The following MRPS9 variants were observed in gnomAD, a reference collection of about 807,000 sequenced individuals.
The protein encoded by MRPS9 is mitochondrial ribosomal protein S9.
MRPS9 carries 45 observed loss-of-function variants against 59.9 expected under a neutral mutation model. That is an observed-to-expected ratio of 0.75 (90% CI 0.59 to 0.96). The LOEUF (loss-of-function observed/expected upper bound fraction) is 0.96. MRPS9 is among the 40% of genes least tolerant of loss of function. MRPS9 has a pLI of 0.00. For synonymous variants in MRPS9, 171 were observed against 166.8 expected, an observed-to-expected ratio of 1.03 and a Z score of -0.19; for missense variants, 473 against 481.1, an observed-to-expected ratio of 0.98 and a Z score of 0.16.
chr2:105,041,704 A>G (rs1679506016), intron 1 of MRPS9, among the ~76,000 whole-genome samples: 1 of 152,182 alleles, frequency 6.6e-6, no homozygotes. Flanking sequence ...TGCTCTGTAC[A>G]GCTCTGTAAA....
intron 10 of MRPS9, chr2:105,098,632 A>G (rs1680721034): frequency 6.6e-6 from 1 of 152,170 alleles, no homozygotes; most frequent in African/African-American, 2.4e-5. Flanking sequence ...TCTTTTCTGT[A>G]TTTTGTCAAA....
intron 2 of MRPS9, among the ~76,000 whole-genome samples, chr2:105,057,440 T>G (rs1679815067): frequency 6.6e-6 from 1 of 152,166 alleles, no homozygotes; most frequent in Non-Finnish European, 1.5e-5. Flanking sequence ...ATCTGTCAGT[T>G]GGAACCTTGA....
chr2:105,097,022 T>C (rs1176887966), intron 9 of MRPS9, 133 bp from the exon 10 acceptor site: 2 of 843,058 alleles, frequency 2.4e-6, no homozygotes, highest in Non-Finnish European at 3.3e-6. Flanking sequence ...TAAAATGGAT[T>C]GATTGAGAAG....
rs1219423623 is a variant in MRPS9, at chr2:105,079,492, G to A, written c.410-491G>A. ...TCTGTTGTTGATGTTTTAAACTCTC[G>A]GAGGTTGATGACCACTGGGTTGAAA... On this transcript the variant is annotated intron_variant, in intron 4 of 10. Coordinates refer to ENST00000258455, the MANE Select transcript of MRPS9 (RefSeq NM_182640.3). Among the ~76,000 whole-genome samples the A allele has an allele frequency of 2.6e-5, 4 of 152,066 alleles. 1 individual carries two copies. The highest frequency in any genetic ancestry group is 4.4e-5 in the Non-Finnish European group (3 of 68,006).
chr2:105,094,540 C>T (rs1558764243), intron 9 of MRPS9, among the ~76,000 whole-genome samples: 1 of 152,136 alleles, frequency 6.6e-6, no homozygotes, highest in South Asian at 2.1e-4. Flanking sequence ...GATACCAATG[C>T]TGATATAGGC....
chr2:105,059,304 T>G (rs1331667203), intron 2 of MRPS9, among the ~76,000 whole-genome samples: 1 of 152,186 alleles, frequency 6.6e-6, no homozygotes, highest in African/African-American at 2.4e-5. Context: ...AACTGAAAGA[T>G]TAGGACATCG....
Position 105,065,121 on chromosome 2 carries a change from A to G in MRPS9, c.316-6192A>G, listed in dbSNP as rs936418769. 3.9e-5 allele frequency among the ~76,000 whole-genome samples: 6 copies of G among 152,354 alleles called. No homozygotes were observed. In the East Asian group the frequency reaches 1.2e-3, roughly 29 times the overall value. ...TAAACTAGCAGAGTGCCTAGAACTCAGGTGGGATAAATATTTGTTGAGTAA... is the reference window on the plus strand; with the variant it reads ...TAAACTAGCAGAGTGCCTAGAACTCGGGTGGGATAAATATTTGTTGAGTAA... On this transcript the variant is annotated intron_variant, in intron 2 of 10. Transcript: ENST00000258455.
intron 2 of MRPS9, among the ~76,000 whole-genome samples, chr2:105,064,635 A>T (rs1219343605): frequency 1.3e-5 from 2 of 152,194 alleles, no homozygotes; most frequent in Admixed American, 1.3e-4. Context: ...CGGAATGGCC[A>T]GATGGTGTGG....
At chr2:105,079,897 G>A in intron 4 of MRPS9, 86 bp from the exon 5 acceptor site, 2 of 760,764 alleles carry the variant, frequency 2.6e-6, no homozygotes, top group South Asian at 2.1e-5. Flanking sequence ...AATTATAAAT[G>A]TGTCTCATAA....
At chr2:105,067,755 T>C (rs529342605) in intron 2 of MRPS9, among the ~76,000 whole-genome samples, 17 of 152,314 alleles carry the variant, frequency 1.1e-4, no homozygotes, top group Admixed American at 6.5e-4. Flanking sequence ...TGTGTGTGTG[T>C]ATGTGTACAT....
At position 105,056,229 on chromosome 2, in the gene MRPS9, C is replaced by T. The variant is rs1679790057; in HGVS notation, c.315+6879C>T. On this transcript the variant is annotated intron_variant, in intron 2 of 10. Transcript: ENST00000258455. ...TTTTTAACAATACTAAGGCTGTACA[C>T]TGTTCTTTCTACTCTTTCAGATTAA... Among the ~76,000 whole-genome samples, 4 of 147,408 alleles carry T rather than the reference C, an allele frequency of 2.7e-5. 1 individual carries two copies. In the South Asian group the frequency reaches 6.5e-4, roughly 24 times the overall value.
intron 4 of MRPS9, among the ~76,000 whole-genome samples, chr2:105,073,969 T>C (rs1255417842): frequency 6.6e-6 from 1 of 152,206 alleles, no homozygotes; most frequent in Non-Finnish European, 1.5e-5. Flanking sequence ...GGACTATTAA[T>C]AGAATTATGA....
intron 1 of MRPS9, chr2:105,038,489 T>C: frequency 2.1e-6 from 1 of 467,294 alleles, no homozygotes; most frequent in South Asian, 2.1e-5. Flanking sequence ...CTCCTTCATT[T>C]GGCTGCTGAG....
At chr2:105,062,540 T>C (rs1182544304) in intron 2 of MRPS9, among the ~76,000 whole-genome samples, 1 of 152,246 alleles carries the variant, frequency 6.6e-6, no homozygotes, top group Non-Finnish European at 1.5e-5. Flanking sequence ...TACTTGGTTG[T>C]TAATATTCTG....
chr2:105,061,186 A>C (rs1679894626), intron 2 of MRPS9, among the ~76,000 whole-genome samples: 1 of 152,088 alleles, frequency 6.6e-6, no homozygotes, highest in African/African-American at 2.4e-5. Context: ...CTACTGAAAT[A>C]AACCTCAAGT....
At chr2:105,089,125 C>T in intron 6 of MRPS9, 56 bp downstream of exon 6, 1 of 1,352,000 alleles carries the variant, frequency 7.4e-7, no homozygotes, top group Non-Finnish European at 1.0e-6. Context: ...AAACATGCCA[C>T]TCATTGGTAT....
intron 5 of MRPS9, among the ~76,000 whole-genome samples, chr2:105,086,065 A>G (rs1252290415): frequency 1.3e-5 from 2 of 152,182 alleles, no homozygotes; most frequent in Non-Finnish European, 2.9e-5. Context: ...TGCAAAAGAG[A>G]AAGAATAAAT....
chr2:105,038,154 G>A lies in MRPS9; in HGVS notation c.62G>A (p.Arg21Lys). 6.2e-7 allele frequency: 1 copy of A among 1,613,790 alleles called. No homozygotes were observed. The highest frequency in any genetic ancestry group is 1.1e-5 in the South Asian group (1 of 90,958). The part of the protein sequence containing the change: ...AVSYRLLLWG[R>K]GSLARKQGLW... The stretch of plus-strand genomic sequence containing the variant: ...TCGTACCGGCTTCTTCTCTGGGGTA[G>A]GGGTAGCCTCGCCCGGAAGCAAGGC... The change falls in exon 1 of 11, where the codon AGG becomes AAG. Residue 21 changes from arginine to lysine, a missense_variant. Physicochemically the swap from Arg to Lys is conservative, Grantham distance 26 (BLOSUM62 2). Coordinates refer to ENST00000258455, the MANE Select transcript of MRPS9 (RefSeq NM_182640.3).
chr2:105,049,078 A>G, intron 1 of MRPS9, 93 bp from the exon 2 acceptor site: 2 of 853,328 alleles, frequency 2.3e-6, no homozygotes, highest in Non-Finnish European at 3.6e-6. Context: ...AAAAAAGATA[A>G]CTACTTGCAT....
Sources: allele counts gnomAD v4.1 joint callset (sites outside exome capture counted in the v4.1 genomes callset), GRCh38; gene constraint gnomAD v4.1.1; transcripts MANE v1.5; gene names NCBI Gene and HGNC (gene_info 2026-07-23, HGNC 2026-07-21).